The following RAPGEF4 variants were observed in gnomAD, a reference collection of about 807,000 sequenced individuals.
RAPGEF4 encodes Rap guanine nucleotide exchange factor 4, also known as RAP guanine-nucleotide-exchange factor (GEF) 4.
A neutral mutation model predicts 147.9 loss-of-function variants in RAPGEF4; 66 were observed. That is an observed-to-expected ratio of 0.45 (90% CI 0.37 to 0.55). The LOEUF is 0.55. RAPGEF4 is among the 20% of genes least tolerant of loss of function. The probability of loss-of-function intolerance (pLI) is 0.00; values close to 1 mark genes in which losing one functional copy is unlikely to be tolerated. For synonymous variants in RAPGEF4, 419 were observed against 442.7 expected (o/e 0.95, Z 0.67); for missense variants, 1,071 against 1,257.3 (o/e 0.85, Z 2.24).
At chr2:173,015,137 C>A (rs1172151618) in intron 18 of RAPGEF4, among the ~76,000 whole-genome samples, 1 of 152,110 alleles carries the variant, frequency 6.6e-6, no homozygotes, top group South Asian at 2.1e-4. Flanking sequence ...TGATTACCTT[C>A]CTAGAAATGG....
intron 16 of RAPGEF4, among the ~76,000 whole-genome samples, chr2:172,996,942 T>C (rs1693428752): frequency 1.3e-5 from 2 of 152,244 alleles, no homozygotes; most frequent in African/African-American, 4.8e-5. Flanking sequence ...GGGAGTAAGA[T>C]ACTTCTCTCT....
intron 4 of RAPGEF4, among the ~76,000 whole-genome samples, chr2:172,860,737 T>C (rs75463234): frequency 0.012 from 1,761 of 152,276 alleles, 33 homozygotes; most frequent in African/African-American, 0.04. Context: ...TTTAAATATG[T>C]AAAGCCAGCC....
intron 4 of RAPGEF4, among the ~76,000 whole-genome samples, chr2:172,913,412 A>G (rs1422647196): frequency 1.3e-5 from 2 of 152,142 alleles, no homozygotes; most frequent in Non-Finnish European, 2.9e-5. Context: ...GTGGGTCACA[A>G]ATTTGAACAG....
At chr2:172,942,733 T>C (rs1467705306) in intron 6 of RAPGEF4, among the ~76,000 whole-genome samples, 2 of 152,010 alleles carry the variant, frequency 1.3e-5, no homozygotes, top group African/African-American at 2.4e-5. Flanking sequence ...TTTTAAAGAG[T>C]AAACAGAGGT....
intron 2 of RAPGEF4, among the ~76,000 whole-genome samples, 200 bp downstream of exon 2, chr2:172,795,367 G>A (rs1480591346): frequency 2.0e-5 from 3 of 152,168 alleles, no homozygotes; most frequent in East Asian, 3.9e-4. Context: ...TTCACAGAAC[G>A]TAAATGGTTC....
At position 173,046,121 on chromosome 2, in the gene RAPGEF4, C is replaced by T. The variant is rs533710318; in HGVS notation, c.2854-2479C>T. Among the ~76,000 whole-genome samples the T allele has an allele frequency of 1.4e-4, 21 of 152,280 alleles. No homozygotes were observed. The South Asian group carries it at 3.9e-3, about 29-fold the overall frequency. ...CCTCACAAAGGAAAAGAATGGACCT[C>T]GCTGTGAAGCCAGATTTGGATTTCG... On this transcript the variant is annotated intron_variant, in intron 29 of 30. Transcript: ENST00000397081.
chr2:173,039,397 G>A (rs1183079304), intron 29 of RAPGEF4, among the ~76,000 whole-genome samples: 3 of 151,860 alleles, frequency 2.0e-5, no homozygotes, highest in East Asian at 1.9e-4. Flanking sequence ...CCCAGGGGGC[G>A]GAGCTTACAG....
chr2:172,876,509 T>A lies in RAPGEF4; in HGVS notation c.445-41293T>A, dbSNP rs186776584. Among the ~76,000 whole-genome samples, 436 of 152,346 alleles carry A rather than the reference T, an allele frequency of 2.9e-3. 3 individuals carry two copies. The highest frequency in any genetic ancestry group is 0.01 in the African/African-American group (416 of 41,572). On this transcript the variant is annotated intron_variant, in intron 4 of 30. Coordinates refer to ENST00000397081, the MANE Select transcript of RAPGEF4 (RefSeq NM_007023.4). ...TTTTCTGCATCTATTGAGATAATCA[T>A]GTGGTTTTTGTCTTTGGTTCTGTTT...
At chr2:172,801,650 G>T (rs1308691958) in intron 3 of RAPGEF4, among the ~76,000 whole-genome samples, 1 of 132,430 alleles carries the variant, frequency 7.6e-6, no homozygotes, top group African/African-American at 2.7e-5. Flanking sequence ...CTTGCCCAAG[G>T]TCATAAAGCT....
intron 1 of RAPGEF4, among the ~76,000 whole-genome samples, chr2:172,770,893 C>G (rs1683497803): frequency 6.6e-6 from 1 of 151,964 alleles, no homozygotes; most frequent in Admixed American, 6.6e-5. Context: ...ATCAGTTTAC[C>G]CTAGTGTGCC....
intron 4 of RAPGEF4, among the ~76,000 whole-genome samples, chr2:172,898,034 T>C (rs1360745726): frequency 6.6e-6 from 1 of 152,080 alleles, no homozygotes; most frequent in Admixed American, 6.6e-5. Context: ...GGCTGCAGGC[T>C]GAGCACAGCT....
At chr2:173,047,210 A>C (rs1269445397) in intron 29 of RAPGEF4, among the ~76,000 whole-genome samples, 1 of 152,204 alleles carries the variant, frequency 6.6e-6, no homozygotes, top group African/African-American at 2.4e-5. Context: ...CTGGCTAAGA[A>C]ATGGAGCGTA....
At chr2:172,750,992 A>C (rs558882924) in intron 1 of RAPGEF4, among the ~76,000 whole-genome samples, 1 of 152,130 alleles carries the variant, frequency 6.6e-6, no homozygotes, top group Non-Finnish European at 1.5e-5. Flanking sequence ...TATTTACTGG[A>C]CCTGTTACAG....
At chr2:172,842,724 G>C (rs2149708364) in intron 4 of RAPGEF4, among the ~76,000 whole-genome samples, 1 of 152,296 alleles carries the variant, frequency 6.6e-6, no homozygotes, top group Middle Eastern at 3.4e-3. Context: ...TCAATTTTAT[G>C]ACCTGCCTTG....
At chr2:172,944,851 C>T (rs914905338) in intron 6 of RAPGEF4, among the ~76,000 whole-genome samples, 2 of 152,160 alleles carry the variant, frequency 1.3e-5, no homozygotes, top group Non-Finnish European at 2.9e-5. Flanking sequence ...TCTCATTGTA[C>T]TTGCAGATGT....
intron 17 of RAPGEF4, 152 bp from the exon 18 acceptor site, chr2:173,014,312 T>G: frequency 1.1e-6 from 1 of 907,696 alleles, no homozygotes; most frequent in Non-Finnish European, 1.7e-6. Context: ...CACAGACACT[T>G]TCTGTGGGGT....
rs762080435 is a variant in RAPGEF4, at chr2:172,985,419, T to C, written c.1090-14T>C. On this transcript the variant is annotated splice_polypyrimidine_tract_variant and intron_variant, in intron 11 of 30. Transcript: ENST00000397081. ...AAATGTGGCCTTTGCATGTTTCTTC[T>C]GTTTTTCTTCTAGGTGAAACGAGAG... is the stretch of plus-strand genomic sequence containing the variant. 2.5e-6 allele frequency: 4 copies of C among 1,613,992 alleles called. No individual in the cohort carries two copies. Among genetic ancestry groups the C allele is most frequent in the East Asian group, 2.2e-5 (1 of 44,880 alleles).
chr2:172,981,056 A>C (rs1691629983), intron 10 of RAPGEF4, among the ~76,000 whole-genome samples: 1 of 152,214 alleles, frequency 6.6e-6, no homozygotes, highest in Non-Finnish European at 1.5e-5. Flanking sequence ...TCCCAAAATT[A>C]CAACTTTGAA....
intron 6 of RAPGEF4, among the ~76,000 whole-genome samples, chr2:172,939,414 T>C (rs1686922716): frequency 6.6e-6 from 1 of 152,194 alleles, no homozygotes; most frequent in Non-Finnish European, 1.5e-5. Flanking sequence ...CAGATGATAT[T>C]GAGTATCTTT....
Sources: allele counts gnomAD v4.1 joint callset (sites outside exome capture counted in the v4.1 genomes callset), GRCh38; gene constraint gnomAD v4.1.1; transcripts MANE v1.5; gene names NCBI Gene and HGNC (gene_info 2026-07-23, HGNC 2026-07-21).